The following NSUN6 variants were observed in gnomAD, a reference collection of about 807,000 sequenced individuals.
NSUN6 encodes NOP2/Sun RNA methyltransferase 6.
In NSUN6, 64 loss-of-function variants were observed where a neutral mutation model predicts 58.0. The ratio of observed to expected loss-of-function variants is 1.10; its 90% confidence interval spans 0.90 to 1.36. The LOEUF is 1.36. Ranked by LOEUF, NSUN6 falls within the 40% of genes most tolerant of loss-of-function variation. The pLI is 0.00. For missense variants in NSUN6, 701 were observed against 550.1 expected (o/e 1.27, Z -2.74); for synonymous variants, 231 against 193.9 (o/e 1.19, Z -1.59).
intron 3 of NSUN6, among the ~76,000 whole-genome samples, chr10:18,626,692 C>T (rs1162506902): frequency 2.0e-5 from 3 of 152,148 alleles, no homozygotes; most frequent in African/African-American, 7.2e-5. Flanking sequence ...CACTTGAACA[C>T]GGAGGTGGAG....
In NSUN6 at chr10:18,651,163, T is replaced by G. The variant is rs149769458; in HGVS notation, c.41A>C (p.Glu14Ala). Reference sequence around the variant, plus strand: ...CATAAAGCCTTCCTTAAGATAGTTTTCAACCTCAGGTCTCAAAGATATCTT... The same window carrying G: ...CATAAAGCCTTCCTTAAGATAGTTTGCAACCTCAGGTCTCAAAGATATCTT... Reference protein sequence around the residue: ...FPKISLRPEVENYLKEGFMNK... With the variant: ...FPKISLRPEVANYLKEGFMNK... Residue 14 changes from glutamate (E) to alanine (A), a missense_variant, in exon 1 of 11, where the codon GAA becomes GCA. Physicochemically the swap from Glu to Ala is moderately radical, Grantham distance 107. Transcript: ENST00000377304. 55 of 1,584,220 alleles carry G rather than the reference T, an allele frequency of 3.5e-5. No homozygotes were observed. The African/African-American group carries it at 6.9e-4, about 20-fold the overall frequency.
At chr10:18,626,392 C>T (rs1315350150) in intron 3 of NSUN6, among the ~76,000 whole-genome samples, 2 of 152,064 alleles carry the variant, frequency 1.3e-5, no homozygotes, top group Non-Finnish European at 2.9e-5. Flanking sequence ...AATAAAAAAA[C>T]AGTAAATACA....
chr10:18,597,283 AATT>A (rs2057626118), intron 6 of NSUN6, among the ~76,000 whole-genome samples: 1 of 152,214 alleles, frequency 6.6e-6, no homozygotes, highest in Admixed American at 6.5e-5. Flanking sequence ...TCATTTCTAA[AATT>A]ATTTGGCAAG....
chr10:18,602,368 C>A (rs547018493), intron 6 of NSUN6, among the ~76,000 whole-genome samples: 154 of 152,070 alleles, frequency 1.0e-3, no homozygotes, highest in African/African-American at 3.6e-3. Context: ...CTCAGCCTCC[C>A]GAGTAGCTGG....
intron 3 of NSUN6, among the ~76,000 whole-genome samples, chr10:18,626,736 T>C (rs1414596875): frequency 1.3e-5 from 2 of 152,104 alleles, no homozygotes; most frequent in South Asian, 2.1e-4. Flanking sequence ...CATTGCACTC[T>C]AGCTTGGGCA....
At chr10:18,573,096 C>T (rs1401875630) in intron 8 of NSUN6, among the ~76,000 whole-genome samples, 1 of 150,872 alleles carries the variant, frequency 6.6e-6, no homozygotes, top group Non-Finnish European at 1.5e-5. Context: ...CCATTCCATT[C>T]CATCCTCCGT....
At chr10:18,604,555 C>G (rs1746996265) in intron 6 of NSUN6, among the ~76,000 whole-genome samples, 1 of 152,150 alleles carries the variant, frequency 6.6e-6, no homozygotes, top group East Asian at 2.0e-4. Flanking sequence ...TGCATTTTAA[C>G]AAATCCCACA....
intron 6 of NSUN6, among the ~76,000 whole-genome samples, chr10:18,605,491 T>C (rs2058016087): frequency 6.6e-6 from 1 of 152,180 alleles, no homozygotes; most frequent in African/African-American, 2.4e-5. Context: ...AAATCATCAA[T>C]GGATGCAAAA....
chr10:18,564,733 C>A (rs1039090063), intron 8 of NSUN6, among the ~76,000 whole-genome samples: 2 of 148,446 alleles, frequency 1.3e-5, no homozygotes, highest in African/African-American at 4.9e-5. Flanking sequence ...TTTCCATTCC[C>A]TTCCAGTCTC....
intron 9 of NSUN6, among the ~76,000 whole-genome samples, chr10:18,551,531 C>G (rs1043720406): frequency 8.5e-5 from 13 of 152,208 alleles, no homozygotes; most frequent in Middle Eastern, 3.4e-3. Context: ...CTCATATAAG[C>G]AAAATCTTAA....
chr10:18,609,837 ATACT>A lies in NSUN6; in HGVS notation c.657+4_657+7del, dbSNP rs769398560. 2 of 1,401,484 alleles carry A rather than the reference ATACT, an allele frequency of 1.4e-6. No individual in the cohort carries two copies. The highest frequency in any genetic ancestry group is 1.4e-5 in the African/African-American group (1 of 70,752). 86.8% of individuals were successfully genotyped at this position (1,401,484 alleles called of 1,614,324 possible). A position where few individuals can be genotyped will look rare whatever the true frequency, so the allele number is the denominator to read the frequency against. On this transcript the variant is annotated splice_donor_5th_base_variant and intron_variant, in intron 6 of 10. Transcript: ENST00000377304. ...GTCACTAAATATTTTACTTTTATAC[ATACT>A]TACTTGTAAAAATAAGTAACGGGGC...
At chr10:18,627,682 C>A (rs1312441751) in intron 3 of NSUN6, among the ~76,000 whole-genome samples, 1 of 152,186 alleles carries the variant, frequency 6.6e-6, no homozygotes, top group Admixed American at 6.5e-5. Flanking sequence ...TCACTCCCAC[C>A]CCAATACCGC....
chr10:18,618,831 G>T (rs1447502974), intron 3 of NSUN6, among the ~76,000 whole-genome samples: 1 of 149,844 alleles, frequency 6.7e-6, no homozygotes, highest in African/African-American at 2.5e-5. Flanking sequence ...GGTCTAATCT[G>T]CTGTTTAATT....
chr10:18,590,416 T>C (rs1353677594), intron 7 of NSUN6, among the ~76,000 whole-genome samples: 3 of 152,186 alleles, frequency 2.0e-5, no homozygotes, highest in South Asian at 2.1e-4. Flanking sequence ...CTAATAGACA[T>C]CTACAGAACT....
chr10:18,652,569 C>CTTTT, upstream of NSUN6: 93 of 897,868 alleles, frequency 1.0e-4, no homozygotes, highest in Non-Finnish European at 1.1e-4. Context: ...TTTCTCTGCT[C>CTTTT]TTTTTTTTTT....
chr10:18,597,727 A>G (rs962502511), intron 6 of NSUN6, among the ~76,000 whole-genome samples: 1 of 152,166 alleles, frequency 6.6e-6, no homozygotes, highest in African/African-American at 2.4e-5. Flanking sequence ...GATAGCGTCA[A>G]TGCACTCCAG....
intron 3 of NSUN6, among the ~76,000 whole-genome samples, chr10:18,640,871 AAC>A: frequency 6.6e-6 from 1 of 152,028 alleles, no homozygotes; most frequent in African/African-American, 2.4e-5. Flanking sequence ...AAAAAAAAAA[AAC>A]AAAAATATTA....
intron 8 of NSUN6, among the ~76,000 whole-genome samples, chr10:18,562,000 G>C (rs1004156516): frequency 6.6e-6 from 1 of 150,480 alleles, no homozygotes; most frequent in South Asian, 2.1e-4. Flanking sequence ...ATGGAATGGA[G>C]AATTGAAAGG....
At chr10:18,578,303 G>C (rs905724239) in intron 8 of NSUN6, among the ~76,000 whole-genome samples, 1 of 143,706 alleles carries the variant, frequency 7.0e-6, no homozygotes, top group South Asian at 2.2e-4. Context: ...GCACCATCTC[G>C]GCTCACTGCA....
Sources: gnomAD v4.1 joint callset for allele counts (sites outside exome capture counted in the v4.1 genomes callset) on GRCh38, gnomAD v4.1.1 for gene constraint, MANE v1.5 for transcripts, NCBI Gene and HGNC (gene_info 2026-07-23, HGNC 2026-07-21) for gene names.